Variants in MTREX observed in about 807,000 individuals in gnomAD.
MTREX encodes the protein exosome RNA helicase MTR4.
A neutral mutation model predicts 135.4 loss-of-function variants in MTREX; 76 were observed. That is an observed-to-expected ratio of 0.56 (90% CI 0.47 to 0.68). MTREX has a LOEUF of 0.68. MTREX is among the 30% of genes least tolerant of loss of function. The probability of loss-of-function intolerance (pLI) is 0.00; values close to 1 mark genes in which losing one functional copy is unlikely to be tolerated. For synonymous variants in MTREX, 404 were observed against 401.6 expected (o/e 1.01, Z -0.07); for missense variants, 920 against 1,262.1 (o/e 0.73, Z 4.11).
intron 18 of MTREX, among the ~76,000 whole-genome samples, chr5:55,381,603 C>T (rs1438644910): frequency 6.6e-6 from 1 of 151,896 alleles, no homozygotes; most frequent in Non-Finnish European, 1.5e-5. Context: ...TTGTTTTTGT[C>T]GAGAATGTAC....
rs547502417 is a variant in MTREX at position 55,322,071 on chromosome 5, T to C, written c.135-256T>C. ...TTAATTTACAGTTTTAAAGAAAATATATTTAATAGTTATGTTAATGTGAAT... is the reference window on the plus strand; with the variant it reads ...TTAATTTACAGTTTTAAAGAAAATACATTTAATAGTTATGTTAATGTGAAT... On this transcript the variant is annotated intron_variant, in intron 1 of 26. Coordinates refer to ENST00000230640, the MANE Select transcript of MTREX (RefSeq NM_015360.5). 1.8e-4 allele frequency among the ~76,000 whole-genome samples: 28 copies of C among 152,348 alleles called. No individual in the cohort carries two copies. In the East Asian group the frequency reaches 4.4e-3, roughly 24 times the overall value.
chr5:55,312,424 T>A (rs1217967268), intron 1 of MTREX, among the ~76,000 whole-genome samples: 1 of 152,050 alleles, frequency 6.6e-6, no homozygotes, highest in East Asian at 1.9e-4. Flanking sequence ...TTTTTTTTTT[T>A]AATCTTATTG....
intron 1 of MTREX, among the ~76,000 whole-genome samples, chr5:55,320,802 T>C (rs1749276048): frequency 6.6e-6 from 1 of 152,200 alleles, no homozygotes; most frequent in South Asian, 2.1e-4. Flanking sequence ...GTTCTGAGTG[T>C]GACTGTTTTG....
intron 23 of MTREX, among the ~76,000 whole-genome samples, chr5:55,412,734 G>T (rs1271118380): frequency 6.6e-6 from 1 of 152,176 alleles, no homozygotes; most frequent in Non-Finnish European, 1.5e-5. Context: ...CTCACATCAG[G>T]ACTGGTGCCT....
At position 55,355,200 on chromosome 5, in the gene MTREX, G is replaced by C. The variant is rs182715503; in HGVS notation, c.1533+1931G>C. On this transcript the variant is annotated intron_variant, in intron 14 of 26. Transcript: ENST00000230640. ...GGTGTGCATGATGGGTGTGTATGAT[G>C]GATGTGCAGTGATCACTCCCAGGCT... Among the ~76,000 whole-genome samples the C allele has an allele frequency of 6.6e-5, 10 of 152,254 alleles. No individual in the cohort carries two copies. In the East Asian group the frequency reaches 1.9e-3, roughly 29 times the overall value.
At chr5:55,309,467 C>G (rs1157053759) in intron 1 of MTREX, among the ~76,000 whole-genome samples, 1 of 151,994 alleles carries the variant, frequency 6.6e-6, no homozygotes, top group Non-Finnish European at 1.5e-5. Flanking sequence ...AACCTCAACT[C>G]AGGCAGTGGC....
In MTREX at chr5:55,322,314, A is replaced by G. The variant is rs954675979; in HGVS notation, c.135-13A>G. 6.3e-7 allele frequency: 1 copy of G among 1,592,940 alleles called. No homozygotes were observed. Among genetic ancestry groups the G allele is most frequent in the East Asian group, 2.2e-5 (1 of 44,448 alleles). Reference sequence around the variant, plus strand: ...GATACTGCAGAATTCATTCCAAACTATTTACTTTTCAGGAAACGTTTTGAT... The same window carrying G: ...GATACTGCAGAATTCATTCCAAACTGTTTACTTTTCAGGAAACGTTTTGAT... On this transcript the variant is annotated splice_polypyrimidine_tract_variant and intron_variant, in intron 1 of 26. Transcript: ENST00000230640.
chr5:55,385,434 G>C (rs146644105), intron 18 of MTREX, among the ~76,000 whole-genome samples: 35 of 152,204 alleles, frequency 2.3e-4, no homozygotes, highest in African/African-American at 8.4e-4. Context: ...AGGTAGGTGG[G>C]AGGAGAATGA....
At chr5:55,392,223 G>C (rs1279937260) in intron 19 of MTREX, among the ~76,000 whole-genome samples, 3 of 152,060 alleles carry the variant, frequency 2.0e-5, no homozygotes, top group African/African-American at 7.2e-5. Flanking sequence ...ATTGTGCAGA[G>C]ACTTCCTTAA....
chr5:55,423,146 A>C (rs1751081954), intron 26 of MTREX, 164 bp downstream of exon 26: 1 of 604,114 alleles, frequency 1.7e-6, no homozygotes, highest in Admixed American at 3.0e-5. Context: ...GTTGGGGGAA[A>C]AGTTGAGATT....
At chr5:55,369,774 C>A (rs1194391168) in intron 16 of MTREX, among the ~76,000 whole-genome samples, 1 of 152,182 alleles carries the variant, frequency 6.6e-6, no homozygotes, top group Admixed American at 6.5e-5. Context: ...AGTCTCCTAC[C>A]CTTGGAACTA....
At chr5:55,319,282 T>C (rs985153220) in intron 1 of MTREX, among the ~76,000 whole-genome samples, 1 of 152,226 alleles carries the variant, frequency 6.6e-6, no homozygotes, top group African/African-American at 2.4e-5. Context: ...CCAATTGCTT[T>C]AATGTCCTTT....
At chr5:55,321,913 C>T (rs1749296217) in intron 1 of MTREX, among the ~76,000 whole-genome samples, 1 of 152,022 alleles carries the variant, frequency 6.6e-6, no homozygotes, top group African/African-American at 2.4e-5. Flanking sequence ...CGGCTCCAAA[C>T]GTCATTTATT....
At chr5:55,322,090 T>C (rs904681539) in intron 1 of MTREX, among the ~76,000 whole-genome samples, 1 of 152,236 alleles carries the variant, frequency 6.6e-6, no homozygotes, top group Non-Finnish European at 1.5e-5. Context: ...GTTATGTTAA[T>C]GTGAATTTTA....
chr5:55,368,318 G>A (rs6876490), intron 16 of MTREX, among the ~76,000 whole-genome samples: 28,324 of 151,940 alleles, frequency 0.19, 2,710 homozygotes, highest in Admixed American at 0.19. Flanking sequence ...GGGCATGGTG[G>A]TGGGCACCTG....
intron 5 of MTREX, among the ~76,000 whole-genome samples, chr5:55,337,555 A>G (rs537205568): frequency 6.6e-6 from 1 of 152,142 alleles, no homozygotes; most frequent in South Asian, 2.1e-4. Context: ...AACTGATATT[A>G]CTGTGTTTCA....
chr5:55,333,670 A>G (rs1241084878), intron 5 of MTREX, among the ~76,000 whole-genome samples: 1 of 152,154 alleles, frequency 6.6e-6, no homozygotes, highest in Non-Finnish European at 1.5e-5. Flanking sequence ...TTGGCTGTGG[A>G]AAACAGTCTG....
At chr5:55,414,286 A>G (rs750355236) in intron 24 of MTREX, 48 bp downstream of exon 24, 3 of 1,343,376 alleles carry the variant, frequency 2.2e-6, no homozygotes, top group Middle Eastern at 1.9e-4. Flanking sequence ...TATGAATAGT[A>G]GATTGTAAAA....
Position 55,397,335 on chromosome 5 carries a change from T to A in MTREX, c.2182-81T>A, listed in dbSNP as rs1366320078. On this transcript the variant is annotated intron_variant, in intron 19 of 26. Coordinates refer to ENST00000230640, the MANE Select transcript of MTREX (RefSeq NM_015360.5). Reference sequence around the variant, plus strand: ...ACATACCATAAATGCAACTTCCTCTTTAGGGATCCAAGTTTAGGAAATAGT... The same window carrying A: ...ACATACCATAAATGCAACTTCCTCTATAGGGATCCAAGTTTAGGAAATAGT... The A allele has an allele frequency of 1.2e-5, 10 of 817,268 alleles. 2 individuals carry two copies. In the South Asian group the frequency reaches 2.0e-4, roughly 17 times the overall value. The allele number at this position is 817,268 out of a possible 1,614,324, so 50.6% of individuals were successfully genotyped here.
Sources: allele counts gnomAD v4.1 joint callset (sites outside exome capture counted in the v4.1 genomes callset), GRCh38; gene constraint gnomAD v4.1.1; transcripts MANE v1.5; gene names NCBI Gene and HGNC (gene_info 2026-07-23, HGNC 2026-07-21).